Variants in PLEKHH2 observed in about 807,000 individuals in gnomAD.
PLEKHH2 encodes pleckstrin homology domain-containing family H member 2.
A neutral mutation model predicts 187.9 loss-of-function variants in PLEKHH2; 129 were observed. That is an observed-to-expected ratio of 0.69 (90% CI 0.59 to 0.79). The LOEUF (loss-of-function observed/expected upper bound fraction) is 0.79. Among genes scored for constraint, PLEKHH2 ranks in the 30% least tolerant of loss-of-function variants. PLEKHH2 has a pLI of 0.00. For missense variants in PLEKHH2, 2,076 were observed against 1,751.2 expected (o/e 1.19, Z -3.31); for synonymous variants, 686 against 605.6 (o/e 1.13, Z -1.95).
intron 22 of PLEKHH2, 63 bp from the exon 23 acceptor site, chr2:43,743,771 T>TA: frequency 1.4e-6 from 2 of 1,434,642 alleles, no homozygotes; most frequent in East Asian, 2.3e-5. Context: ...GTTTCATCCT[T>TA]AAAATCTCAG....
intron 19 of PLEKHH2, among the ~76,000 whole-genome samples, chr2:43,735,209 A>C (rs573061516): frequency 6.6e-6 from 1 of 152,246 alleles, no homozygotes; most frequent in East Asian, 1.9e-4. Context: ...AAAAAAATGT[A>C]GTATATATAC....
At chr2:43,708,769 C>G (rs1184333839) in intron 11 of PLEKHH2, among the ~76,000 whole-genome samples, 1 of 152,192 alleles carries the variant, frequency 6.6e-6, no homozygotes, top group East Asian at 1.9e-4. Context: ...CTGCCTAACT[C>G]TTTGACTTTG....
chr2:43,657,049 ACAAAAAAAC>A (rs1666810526), intron 2 of PLEKHH2, among the ~76,000 whole-genome samples: 1 of 133,154 alleles, frequency 7.5e-6, no homozygotes. Context: ...ACAAAATAAA[ACAAAAAAAC>A]CTTAGTGGCT....
At chr2:43,688,944 TAGTC>T (rs1295519592) in intron 3 of PLEKHH2, among the ~76,000 whole-genome samples, 1 of 152,170 alleles carries the variant, frequency 6.6e-6, no homozygotes, top group Non-Finnish European at 1.5e-5. Context: ...TGACTGATCT[TAGTC>T]AGTCTCCAGC....
intron 3 of PLEKHH2, among the ~76,000 whole-genome samples, chr2:43,685,241 G>T (rs1668444524): frequency 6.6e-6 from 1 of 152,158 alleles, no homozygotes; most frequent in East Asian, 1.9e-4. Flanking sequence ...ACTAAAAGCA[G>T]TACTCAGCTA....
intron 15 of PLEKHH2, 65 bp downstream of exon 15, chr2:43,712,448 A>C (rs1670014850): frequency 6.6e-7 from 1 of 1,525,228 alleles, no homozygotes; most frequent in African/African-American, 1.4e-5. Context: ...GATCGCTGAA[A>C]ATGGGATGTC....
chr2:43,694,558 T>A (rs755913767), intron 5 of PLEKHH2, 44 bp downstream of exon 5: 2 of 1,482,028 alleles, frequency 1.3e-6, no homozygotes, highest in African/African-American at 2.9e-5. Flanking sequence ...CTTTTACTTC[T>A]TTTGAATTGA....
At chr2:43,758,843 A>G in intron 26 of PLEKHH2, 57 bp from the exon 27 acceptor site, 1 of 1,427,090 alleles carries the variant, frequency 7.0e-7, no homozygotes, top group Non-Finnish European at 9.4e-7. Flanking sequence ...AGACTATGAC[A>G]CACTGTTTAT....
Position 43,681,272 on chromosome 2 carries a change from G to T in PLEKHH2, c.186+2347G>T. ...TACAATCCTCCTGTGGAGGTCCAGG[G>T]TGATGCCATGCTGGCTGACTGTAAC... On this transcript the variant is annotated intron_variant, in intron 3 of 29. Coordinates refer to ENST00000282406, the MANE Select transcript of PLEKHH2 (RefSeq NM_172069.4). 7.3e-6 allele frequency: 5 copies of T among 688,782 alleles called. No individual in the cohort carries two copies. The South Asian group carries it at 7.4e-5, about 10-fold the overall frequency. 42.7% of individuals were successfully genotyped at this position (688,782 alleles called of 1,614,324 possible).
At chr2:43,692,461 C>T in intron 3 of PLEKHH2, 53 bp from the exon 4 acceptor site, 1 of 1,410,406 alleles carries the variant, frequency 7.1e-7, no homozygotes. Context: ...AGGTTTAATA[C>T]TGTGATAACC....
chr2:43,704,398 G>C (rs1387459632), intron 9 of PLEKHH2, among the ~76,000 whole-genome samples: 1 of 151,960 alleles, frequency 6.6e-6, no homozygotes, highest in Non-Finnish European at 1.5e-5. Flanking sequence ...ACGGTGGCTC[G>C]CGCCTGTTAT....
In PLEKHH2 at chr2:43,706,436, G is replaced by A. The variant is rs1233088089; in HGVS notation, c.1821+20G>A. 14 of 1,459,864 alleles carry A rather than the reference G, an allele frequency of 9.6e-6. No individual in the cohort carries two copies. Among genetic ancestry groups the A allele is most frequent in the Non-Finnish European group, 1.1e-5 (12 of 1,050,442 alleles). 90.4% of individuals were successfully genotyped at this position (1,459,864 alleles called of 1,614,324 possible). A position where few individuals can be genotyped will look rare whatever the true frequency, so the allele number is the denominator to read the frequency against. On this transcript the variant is annotated intron_variant, in intron 10 of 29. Coordinates refer to ENST00000282406, the MANE Select transcript of PLEKHH2 (RefSeq NM_172069.4). ...AAGGGGGTAACTCATTATTGTTATT[G>A]TTAAAACATGTGCTTCTCTTCATGA...
At position 43,675,038 on chromosome 2, in the gene PLEKHH2, C is replaced by T. The variant is rs1667672728; in HGVS notation, c.124-3825C>T. 6.3e-5 allele frequency: 11 copies of T among 175,268 alleles called. No homozygotes were observed. In the South Asian group the frequency reaches 1.5e-3, roughly 24 times the overall value. The allele number at this position is 175,268 out of a possible 1,614,324, so 10.9% of individuals were successfully genotyped here. ...ACAGGCAGTTAAATATGTGGCCATACATGGTGGCAACAAATGTTCTACACC... is the reference window on the plus strand; with the variant it reads ...ACAGGCAGTTAAATATGTGGCCATATATGGTGGCAACAAATGTTCTACACC... On this transcript the variant is annotated intron_variant, in intron 2 of 29. Transcript: ENST00000282406.
Position 43,712,567 on chromosome 2 carries a change from G to T in PLEKHH2, c.2460+184G>T, listed in dbSNP as rs114725929. 3.4e-3 allele frequency among the ~76,000 whole-genome samples: 522 copies of T among 152,298 alleles called. 2 individuals carry two copies. Among genetic ancestry groups the T allele is most frequent in the African/African-American group, 0.012 (504 of 41,576 alleles). On this transcript the variant is annotated intron_variant, in intron 15 of 29. Transcript: ENST00000282406. ...ATAAAGATGAAAAGAAGACAAATTT[G>T]ACTATAATATGTAAAAATGTAAAGG...
intron 1 of PLEKHH2, among the ~76,000 whole-genome samples, chr2:43,641,267 T>G (rs1250962461): frequency 6.6e-6 from 1 of 152,188 alleles, no homozygotes; most frequent in Non-Finnish European, 1.5e-5. Context: ...TTAAAAATTT[T>G]TATGAAGTCC....
rs538784957 is a variant in PLEKHH2 at position 43,739,874 on chromosome 2, A to G, written c.3124-1072A>G. Among the ~76,000 whole-genome samples the G allele has an allele frequency of 1.4e-4, 21 of 152,320 alleles. 1 individual carries two copies. In the South Asian group the frequency reaches 3.5e-3, roughly 26 times the overall value. ...GACTTTATAGTCCAGCCTAAGCAAC[A>G]TATTCCCTGTGATGCCTTCCTTGAC... On this transcript the variant is annotated intron_variant, in intron 20 of 29. Coordinates refer to ENST00000282406, the MANE Select transcript of PLEKHH2 (RefSeq NM_172069.4).
At chr2:43,654,452 C>T (rs1189597140) in intron 2 of PLEKHH2, among the ~76,000 whole-genome samples, 2 of 151,962 alleles carry the variant, frequency 1.3e-5, no homozygotes, top group African/African-American at 4.8e-5. Context: ...GCCTCGGCCT[C>T]CCAAAGTGCT....
At chr2:43,667,925 T>A (rs993937400) in intron 2 of PLEKHH2, among the ~76,000 whole-genome samples, 1 of 152,140 alleles carries the variant, frequency 6.6e-6, no homozygotes, top group African/African-American at 2.4e-5. Flanking sequence ...CACTTTAAAG[T>A]GGTTAATTTT....
chr2:43,757,418 C>T (rs1318964511), intron 26 of PLEKHH2, among the ~76,000 whole-genome samples, 154 bp downstream of exon 26: 4 of 134,966 alleles, frequency 3.0e-5, no homozygotes, highest in Admixed American at 2.3e-4. Context: ...GATTTTTTTT[C>T]TTTCTTTTTT....
Sources: gnomAD v4.1 joint callset for allele counts (sites outside exome capture counted in the v4.1 genomes callset) on GRCh38, gnomAD v4.1.1 for gene constraint, MANE v1.5 for transcripts, NCBI Gene and HGNC (gene_info 2026-07-23, HGNC 2026-07-21) for gene names.